The following CAMK2D variants were observed in gnomAD, a reference collection of about 807,000 sequenced individuals.
The protein encoded by CAMK2D is calcium/calmodulin-dependent protein kinase type II subunit delta.
A neutral mutation model predicts 84.0 loss-of-function variants in CAMK2D; 37 were observed. The observed-to-expected ratio is 0.44, with a 90% confidence interval of 0.34 to 0.58. The LOEUF is 0.58. CAMK2D is among the 20% of genes least tolerant of loss of function. CAMK2D has a pLI of 0.02. For missense variants in CAMK2D, 448 were observed against 652.5 expected (o/e 0.69, Z 3.41); for synonymous variants, 202 against 212.5 (o/e 0.95, Z 0.43).
At chr4:113,659,006 T>C (rs967450831) in intron 3 of CAMK2D, among the ~76,000 whole-genome samples, 10 of 152,228 alleles carry the variant, frequency 6.6e-5, no homozygotes, top group African/African-American at 1.7e-4. Flanking sequence ...TTGACAATGC[T>C]ATCTAGGACA....
At chr4:113,587,676 G>C (rs1027889439) in intron 4 of CAMK2D, among the ~76,000 whole-genome samples, 3 of 152,114 alleles carry the variant, frequency 2.0e-5, no homozygotes, top group African/African-American at 7.2e-5. Flanking sequence ...AGTGTATATG[G>C]AAAGTGTTCT....
chr4:113,474,664 GAGA>G (rs2097583792), intron 16 of CAMK2D, among the ~76,000 whole-genome samples: 5 of 151,794 alleles, frequency 3.3e-5, no homozygotes, highest in Admixed American at 2.6e-4. Flanking sequence ...TTTATTTTTT[GAGA>G]AGAAGTTTTG....
At chr4:113,726,561 T>TGTTG (rs2099546804) in intron 2 of CAMK2D, among the ~76,000 whole-genome samples, 2 of 151,514 alleles carry the variant, frequency 1.3e-5, no homozygotes, top group Non-Finnish European at 2.9e-5. Context: ...TTTGTTTGTT[T>TGTTG]GTTTGTTTGT....
intron 4 of CAMK2D, among the ~76,000 whole-genome samples, chr4:113,568,065 T>A (rs887210563): frequency 6.6e-6 from 1 of 152,206 alleles, no homozygotes; most frequent in Non-Finnish European, 1.5e-5. Context: ...TATTTTTTTA[T>A]GGAAAAGTGA....
At chr4:113,614,192 G>T (rs948465094) in intron 3 of CAMK2D, among the ~76,000 whole-genome samples, 2 of 152,026 alleles carry the variant, frequency 1.3e-5, no homozygotes, top group Admixed American at 6.6e-5. Context: ...AACCAAGGTT[G>T]TTAATTATAA....
At position 113,500,488 on chromosome 4, in the gene CAMK2D, T is replaced by G. The variant is rs572306155; in HGVS notation, c.1110A>C (p.Thr370=). Residue 370 remains threonine, a synonymous_variant, in exon 16 of 21, where the codon ACA becomes ACC. Coordinates refer to ENST00000511664, the MANE Select transcript of CAMK2D (RefSeq NM_001321571.2). ...CTTTCACATCTTCATCCTCAATTGT[T>G]GTATTTGAACTCTCAGTTGACTCCT... ...GNKESTESSN[T]TIEDEDVKAR... 99 of 1,603,276 alleles carry G rather than the reference T, an allele frequency of 6.2e-5. 1 individual carries two copies. The South Asian group carries it at 1.0e-3, about 16-fold the overall frequency.
intron 5 of CAMK2D, chr4:113,548,551 A>C (rs933451927): frequency 7.0e-6 from 4 of 575,412 alleles, no homozygotes; most frequent in Non-Finnish European, 6.1e-6. Flanking sequence ...TTTAGAAACA[A>C]GTTGGGAAAG....
At chr4:113,519,520 T>TAA (rs77557990) in intron 8 of CAMK2D, among the ~76,000 whole-genome samples, 11 of 149,562 alleles carry the variant, frequency 7.4e-5, no homozygotes, top group East Asian at 5.9e-4. Context: ...CCCAAAGACT[T>TAA]AAAAAAAAAA....
At chr4:113,760,413 C>A (rs187987240) in intron 1 of CAMK2D, among the ~76,000 whole-genome samples, 193 of 152,262 alleles carry the variant, frequency 1.3e-3, no homozygotes, top group Non-Finnish European at 1.8e-3. Flanking sequence ...AAGAACAACA[C>A]TGGATATAGG....
chr4:113,652,382 A>AT (rs1468285009), intron 3 of CAMK2D, among the ~76,000 whole-genome samples: 2 of 151,886 alleles, frequency 1.3e-5, no homozygotes, highest in Admixed American at 6.6e-5. Flanking sequence ...TTCCAATCTA[A>AT]TTTTTTTTTC....
At chr4:113,558,496 AAAAT>A (rs2098680941) in intron 4 of CAMK2D, among the ~76,000 whole-genome samples, 1 of 152,208 alleles carries the variant, frequency 6.6e-6, no homozygotes, top group Non-Finnish European at 1.5e-5. Context: ...ATAGTATTCA[AAAAT>A]AAATAAGTAT....
intron 2 of CAMK2D, among the ~76,000 whole-genome samples, chr4:113,671,529 A>G (rs1160918825): frequency 6.6e-6 from 1 of 152,214 alleles, no homozygotes; most frequent in Non-Finnish European, 1.5e-5. Flanking sequence ...TTTTTCCTCC[A>G]TCGCACTTCT....
At chr4:113,575,880 A>G (rs1280710335) in intron 4 of CAMK2D, among the ~76,000 whole-genome samples, 1 of 152,136 alleles carries the variant, frequency 6.6e-6, no homozygotes, top group African/African-American at 2.4e-5. Flanking sequence ...TATTTTAGTT[A>G]TGTAAAGTTT....
intron 4 of CAMK2D, among the ~76,000 whole-genome samples, chr4:113,560,363 G>A (rs80221109): frequency 0.1 from 15,649 of 151,952 alleles, 1,043 homozygotes; most frequent in Middle Eastern, 0.2. Flanking sequence ...CTTTGCCCAT[G>A]CTAATGGACA....
intron 2 of CAMK2D, among the ~76,000 whole-genome samples, chr4:113,725,283 TAA>T (rs1275556349): frequency 1.3e-5 from 2 of 152,084 alleles, no homozygotes; most frequent in Non-Finnish European, 2.9e-5. Context: ...CATAATTATG[TAA>T]AGATACACAG....
At chr4:113,576,292 T>G (rs2098781888) in intron 4 of CAMK2D, among the ~76,000 whole-genome samples, 1 of 152,224 alleles carries the variant, frequency 6.6e-6, no homozygotes, top group Non-Finnish European at 1.5e-5. Context: ...CCCATTAACT[T>G]ATTGGCACGT....
At chr4:113,660,594 T>G (rs2099225365) in intron 3 of CAMK2D, among the ~76,000 whole-genome samples, 2 of 152,060 alleles carry the variant, frequency 1.3e-5, no homozygotes, top group African/African-American at 4.8e-5. Flanking sequence ...TCTTGCCATA[T>G]TGCCCAGGCT....
chr4:113,593,419 A>G (rs1423317141), intron 4 of CAMK2D, among the ~76,000 whole-genome samples: 1 of 151,786 alleles, frequency 6.6e-6, no homozygotes, highest in Non-Finnish European at 1.5e-5. Context: ...CTGAACCATC[A>G]TGAGGTAGGA....
chr4:113,634,044 A>G (rs2099100836), intron 3 of CAMK2D, among the ~76,000 whole-genome samples: 1 of 152,198 alleles, frequency 6.6e-6, no homozygotes, highest in Non-Finnish European at 1.5e-5. Context: ...TTTGCTTTTA[A>G]AAGACTTTTG....
Sources: gnomAD v4.1 joint callset for allele counts (sites outside exome capture counted in the v4.1 genomes callset) on GRCh38, gnomAD v4.1.1 for gene constraint, MANE v1.5 for transcripts, NCBI Gene and HGNC (gene_info 2026-07-23, HGNC 2026-07-21) for gene names.